Variants in CTSE observed in about 807,000 individuals in gnomAD.
CTSE encodes the protein erythrocyte membrane aspartic proteinase.
CTSE carries 43 observed loss-of-function variants against 42.8 expected under a neutral mutation model. The ratio of observed to expected loss-of-function variants is 1.01; its 90% CI spans 0.79 to 1.30. The LOEUF (loss-of-function observed/expected upper bound fraction) is 1.30. CTSE is among the 50% of genes most tolerant of loss of function. CTSE has a pLI of 0.00. For missense variants in CTSE, 532 were observed against 493.5 expected, an observed-to-expected ratio of 1.08 and a Z score of -0.74; for synonymous variants, 205 against 191.5, an observed-to-expected ratio of 1.07 and a Z score of -0.58.
At chr1:206,022,071 C>T in intron 3 of CTSE, 79 bp downstream of exon 3, 1 of 956,434 alleles carries the variant, frequency 1.0e-6, no homozygotes, top group Non-Finnish European at 1.5e-6. Context: ...ACCTAAGCCC[C>T]CCTTCCCCAG....
intron 2 of CTSE, among the ~76,000 whole-genome samples, 190 bp from the exon 3 acceptor site, chr1:206,022,457 G>A (rs1278921959): frequency 2.0e-5 from 3 of 151,954 alleles, no homozygotes; most frequent in Non-Finnish European, 4.4e-5. Context: ...CATGAAGGAG[G>A]AAATCAAACC....
chr1:206,012,221 C>A, intron 8 of CTSE, 87 bp downstream of exon 8: 1 of 1,098,180 alleles, frequency 9.1e-7, no homozygotes, highest in Admixed American at 2.0e-5. Context: ...AGGGTAAAGG[C>A]GGGCAAAGTG....
At chr1:206,017,634 C>T (rs1375733220) in intron 4 of CTSE, among the ~76,000 whole-genome samples, 3 of 152,094 alleles carry the variant, frequency 2.0e-5, no homozygotes, top group East Asian at 1.9e-4. Context: ...GGACTACAGG[C>T]GTGTGCCACC....
Position 206,012,341 on chromosome 1 carries a change from G to C in CTSE, c.993C>G (p.Pro331=). 6.2e-7 allele frequency: 1 copy of C among 1,613,950 alleles called. No homozygotes were observed. The highest frequency in any genetic ancestry group is 8.5e-7 in the Non-Finnish European group (1 of 1,179,880). ...TGTAGGCAGTTGGGCTGAGGGTATA[G>C]GGGACTCCGTTAATGGTGAAGGTGA... ...PDVTFTINGV[P]YTLSPTAYTL... is the part of the protein sequence containing the mutation. The change falls in exon 8 of 9, where the codon CCC becomes CCG. Residue 331 remains proline, a synonymous_variant. Transcript: ENST00000358184.
At chr1:206,021,828 C>T (rs1224199741) in intron 3 of CTSE, among the ~76,000 whole-genome samples, 7 of 152,044 alleles carry the variant, frequency 4.6e-5, no homozygotes, top group African/African-American at 1.7e-4. Context: ...TTAAATTAAA[C>T]TTCCCCTACA....
Position 206,016,074 on chromosome 1 carries a change from G to A in CTSE, c.519C>T (p.Gly173=), listed in dbSNP as rs1661254826. The A allele has an allele frequency of 1.9e-6, 3 of 1,613,948 alleles. No individual in the cohort carries two copies. Among genetic ancestry groups the A allele is most frequent in the Non-Finnish European group, 1.7e-6 (2 of 1,179,914 alleles). The change falls in exon 5 of 9, where the codon GGC becomes GGT. Residue 173 remains glycine (G), a synonymous_variant. Transcript: ENST00000358184. ...QQFGESVTEP[G]QTFVDAEFDG... ...CAAACTCTGCATCCACAAAGGTCTG[G>A]CCTGGCTCTGTGACACTTTCTCCAA...
At chr1:206,012,855 T>C (rs538472214) in intron 6 of CTSE, among the ~76,000 whole-genome samples, 1 of 152,214 alleles carries the variant, frequency 6.6e-6, no homozygotes, top group African/African-American at 2.4e-5. Context: ...ATTCATGCAA[T>C]TGAAGTGCAC....
intron 4 of CTSE, among the ~76,000 whole-genome samples, chr1:206,019,286 C>T (rs1337027402): frequency 6.6e-6 from 1 of 152,008 alleles, no homozygotes; most frequent in African/African-American, 2.4e-5. Flanking sequence ...GTTTGCACAG[C>T]AGAAAGGGAA....
chr1:206,014,035 G>A, intron 5 of CTSE, 141 bp from the exon 6 acceptor site: 1 of 851,488 alleles, frequency 1.2e-6, no homozygotes, highest in Non-Finnish European at 1.9e-6. Flanking sequence ...TTGAGACCGG[G>A]ACTCTGACTA....
Position 206,009,835 on chromosome 1 carries a change from A to G in CTSE, c.*348T>C. On this transcript the variant is annotated 3_prime_UTR_variant, in exon 9 of 9. Transcript: ENST00000358184. Reference sequence around the variant, plus strand: ...GTTGTCAGGGCTGAGTGGAGTTGCAAAGGGATTTATTATACCATGATCTCT... The same window carrying G: ...GTTGTCAGGGCTGAGTGGAGTTGCAGAGGGATTTATTATACCATGATCTCT... 6.9e-6 allele frequency: 2 copies of G among 290,864 alleles called. No homozygotes were observed. Among genetic ancestry groups the G allele is most frequent in the South Asian group, 3.7e-5 (1 of 26,668 alleles). 18.0% of individuals were successfully genotyped at this position (290,864 alleles called of 1,614,324 possible).
At chr1:206,016,729 G>A (rs1246520274) in intron 4 of CTSE, among the ~76,000 whole-genome samples, 3 of 151,938 alleles carry the variant, frequency 2.0e-5, no homozygotes, top group Admixed American at 6.5e-5. Flanking sequence ...CTTGTTCAAC[G>A]CAAGTCAGAT....
intron 3 of CTSE, 82 bp downstream of exon 3, chr1:206,022,068 C>A (rs200758625): frequency 9.8e-6 from 9 of 914,224 alleles, no homozygotes; most frequent in Non-Finnish European, 1.5e-5. Context: ...GGAACCTAAG[C>A]CCCCCTTCCC....
At chr1:206,017,140 G>A (rs1571815787) in intron 4 of CTSE, among the ~76,000 whole-genome samples, 1 of 152,194 alleles carries the variant, frequency 6.6e-6, no homozygotes, top group African/African-American at 2.4e-5. Context: ...TATCAGAGTA[G>A]AGTTCTCGCA....
intron 2 of CTSE, among the ~76,000 whole-genome samples, 180 bp from the exon 3 acceptor site, chr1:206,022,447 C>CTCAT (rs1237401399): frequency 3.9e-5 from 6 of 151,982 alleles, no homozygotes; most frequent in Admixed American, 3.9e-4. Flanking sequence ...GAGAAATGGC[C>CTCAT]ATGAAGGAGG....
chr1:206,021,377 A>C, intron 3 of CTSE: 1 of 559,242 alleles, frequency 1.8e-6, no homozygotes, highest in Admixed American at 3.2e-5. Context: ...CCAAATAGCT[A>C]TCCCTGAGCA....
In CTSE at chr1:206,022,980, T is replaced by A; in HGVS notation, c.146A>T (p.His49Leu). 1 of 1,612,516 alleles carries A rather than the reference T, an allele frequency of 6.2e-7. No individual in the cohort carries two copies. Among genetic ancestry groups the A allele is most frequent in the Non-Finnish European group, 8.5e-7 (1 of 1,179,068 alleles). The change falls in exon 2 of 9, where the codon CAT (histidine) becomes CTT (leucine). Residue 49 changes from histidine to leucine, a missense_variant. By Grantham distance (99) the His-to-Leu change is moderately conservative. Coordinates refer to ENST00000358184, the MANE Select transcript of CTSE (RefSeq NM_001910.4). ...GGTGAACTGGATCATGTCCAAATTA[T>A]GGGATTTCCAGAACTCAGAGAGCTG... ...RSQLSEFWKS[H>L]NLDMIQFTES...
chr1:206,010,954 G>T (rs1661078581), intron 8 of CTSE, among the ~76,000 whole-genome samples: 2 of 152,052 alleles, frequency 1.3e-5, no homozygotes, highest in South Asian at 4.1e-4. Flanking sequence ...TTCCAACAAT[G>T]ATTTGAAATG....
Position 206,013,752 on chromosome 1 carries a change from A to C in CTSE, c.785+20T>G. 1 of 1,612,122 alleles carries C rather than the reference A, an allele frequency of 6.2e-7. No individual in the cohort carries two copies. ...TCAGTTTACCCCTAGTACTGTCACT[A>C]CTTCATGGGGAATACTCACTTATCC... On this transcript the variant is annotated intron_variant, in intron 6 of 8. Transcript: ENST00000358184.
At chr1:206,013,691 GT>G in intron 6 of CTSE, 80 bp downstream of exon 6, 2 of 1,531,516 alleles carry the variant, frequency 1.3e-6, no homozygotes, top group Non-Finnish European at 1.8e-6. Context: ...GTGACCAGTG[GT>G]TTTTCAGTTA....
Sources: allele counts gnomAD v4.1 joint callset (sites outside exome capture counted in the v4.1 genomes callset), GRCh38; gene constraint gnomAD v4.1.1; transcripts MANE v1.5; gene names NCBI Gene and HGNC (gene_info 2026-07-23, HGNC 2026-07-21).